The following CRMP1 variants were observed in gnomAD, a reference collection of about 807,000 sequenced individuals.
CRMP1 encodes the protein collapsin response mediator protein 1, also known as dihydropyrimidinase-related protein 1.
CRMP1 carries 19 observed loss-of-function variants against 68.3 expected under a neutral mutation model. The observed-to-expected ratio is 0.28, with a 90% CI of 0.19 to 0.41. CRMP1 has a LOEUF of 0.41. CRMP1 is among the 10% of genes least tolerant of loss of function. The pLI is 1.00. For missense variants in CRMP1, 791 were observed against 967.4 expected, an observed-to-expected ratio of 0.82 and a Z score of 2.42; for synonymous variants, 439 against 399.6, an observed-to-expected ratio of 1.10 and a Z score of -1.18.
rs568671078 is a variant in CRMP1, at chr4:5,877,743, C to G, written c.382-10987G>C. 6.6e-6 allele frequency among the ~76,000 whole-genome samples: 1 copy of G among 152,036 alleles called. No homozygotes were observed. Among genetic ancestry groups the G allele is most frequent in the Admixed American group, 6.5e-5 (1 of 15,284 alleles). ...TGGACTGCAGGACTTTTTTTCCCCC[C>G]GATATTATGCCTGTTTCCATGACAA... is the stretch of plus-strand genomic sequence containing the variant. On this transcript the variant is annotated intron_variant, in intron 1 of 13. Coordinates refer to ENST00000324989, the MANE Select transcript of CRMP1 (RefSeq NM_001014809.3). The surrounding 1 kb of genome is among the most constrained non-coding windows in gnomAD (Gnocchi z 4.3).
chr4:5,829,336 C>T (rs1720174043), intron 11 of CRMP1, among the ~76,000 whole-genome samples: 1 of 152,152 alleles, frequency 6.6e-6, no homozygotes, highest in South Asian at 2.1e-4. Flanking sequence ...TTGCAGTGAG[C>T]CGAGATCGTG....
At chr4:5,871,194 C>T (rs971675514) in intron 1 of CRMP1, among the ~76,000 whole-genome samples, 2 of 152,176 alleles carry the variant, frequency 1.3e-5, no homozygotes, top group East Asian at 3.9e-4. Context: ...AAAAAATAAG[C>T]CCACAGGAAG....
Position 5,856,119 on chromosome 4 carries a change from C to T in CRMP1, c.820+24G>A, listed in dbSNP as rs1393842053. 1.9e-6 allele frequency: 3 copies of T among 1,611,912 alleles called. No homozygotes were observed. In the Admixed American group the frequency reaches 5.0e-5, roughly 27 times the overall value. On this transcript the variant is annotated intron_variant, in intron 4 of 13. Coordinates refer to ENST00000324989, the MANE Select transcript of CRMP1 (RefSeq NM_001014809.3). ...CCAAAGAACAAGGGATTCCCCAAAA[C>T]CCCGTTCCGAGGCTTTAACTGACCT...
In CRMP1 at chr4:5,889,917, T is replaced by G; in HGVS notation, c.381+2672A>C. On this transcript the variant is annotated intron_variant, in intron 1 of 13. Transcript: ENST00000324989. The surrounding 1 kb of genome is among the most constrained non-coding windows in gnomAD (Gnocchi z 4.5). ...TATCCCAGGAACACTAGGCATAATT[T>G]TCCCATTTTACAGACAGGAAATTGA... 7.2e-7 allele frequency: 1 copy of G among 1,385,778 alleles called. No homozygotes were observed. Among genetic ancestry groups the G allele is most frequent in the Non-Finnish European group, 9.4e-7 (1 of 1,068,942 alleles). 85.8% of individuals were successfully genotyped at this position (1,385,778 alleles called of 1,614,324 possible).
At position 5,825,932 on chromosome 4, in the gene CRMP1, A is replaced by T. The variant is rs1039621694; in HGVS notation, c.1804-273T>A. On this transcript the variant is annotated intron_variant, in intron 12 of 13. Coordinates refer to ENST00000324989, the MANE Select transcript of CRMP1 (RefSeq NM_001014809.3). The surrounding 1 kb of genome is among the most constrained non-coding windows in gnomAD (Gnocchi z 4.4). ...ACACCACGCACACGCACTCACATAC[A>T]TGCAGTCATGCACACATATATGCAT... The T allele has an allele frequency of 2.1e-6, 1 of 484,826 alleles. No individual in the cohort carries two copies. Among genetic ancestry groups the T allele is most frequent in the Non-Finnish European group, 3.6e-6 (1 of 275,556 alleles). The allele number at this position is 484,826 out of a possible 1,614,324, so 30.0% of individuals were successfully genotyped here. A position where few individuals can be genotyped will look rare whatever the true frequency, so the allele number is the denominator to read the frequency against.
Position 5,892,485 on chromosome 4 carries a change from G to T in CRMP1, c.381+104C>A, listed in dbSNP as rs1715996812. ...CGTGGCTCTCCCCAGCCTGGCGGCC[G>T]CTGCCCCAACACCGGGGCCCGGGCA... On this transcript the variant is annotated intron_variant, in intron 1 of 13. Transcript: ENST00000324989. This position sits in a 1 kb window ranked among gnomAD's most constrained non-coding sequence, Gnocchi z 8.6. 7.4e-6 allele frequency: 8 copies of T among 1,083,116 alleles called. No homozygotes were observed. The South Asian group carries it at 2.8e-4, about 37-fold the overall frequency. The allele number at this position is 1,083,116 out of a possible 1,614,324, so 67.1% of individuals were successfully genotyped here. A position where few individuals can be genotyped will look rare whatever the true frequency, so the allele number is the denominator to read the frequency against.
Position 5,853,536 on chromosome 4 carries a change from C to A in CRMP1, c.821-2067G>T, listed in dbSNP as rs2152464353. ...ACCTCTATGGGGAACAGTACGGAGG[C>A]TCCTCACAAAACTAAGAACTGAATT... On this transcript the variant is annotated intron_variant, in intron 4 of 13. Transcript: ENST00000324989. This position sits in a 1 kb window ranked among gnomAD's most constrained non-coding sequence, Gnocchi z 4.7. Among the ~76,000 whole-genome samples the A allele has an allele frequency of 6.6e-6, 1 of 152,286 alleles. No homozygotes were observed. The highest frequency in any genetic ancestry group is 1.5e-5 in the Non-Finnish European group (1 of 68,024).
chr4:5,888,589 G>T lies in CRMP1; in HGVS notation c.381+4000C>A. The T allele has an allele frequency of 9.3e-7, 1 of 1,069,962 alleles. No homozygotes were observed. Among genetic ancestry groups the T allele is most frequent in the Non-Finnish European group, 1.1e-6 (1 of 885,162 alleles). 66.3% of individuals were successfully genotyped at this position (1,069,962 alleles called of 1,614,324 possible). ...AAGCCGGATTCGCCCCTCTCGGCTC[G>T]AACCAGGAAGCGCTTCCCTTCCGAT... is the stretch of plus-strand genomic sequence containing the variant. On this transcript the variant is annotated intron_variant, in intron 1 of 13. Coordinates refer to ENST00000324989, the MANE Select transcript of CRMP1 (RefSeq NM_001014809.3). The surrounding 1 kb of genome is among the most constrained non-coding windows in gnomAD (Gnocchi z 6.4).
In CRMP1 at chr4:5,863,766, G is replaced by A. The variant is rs1331917451; in HGVS notation, c.471-2556C>T. ...CGGCTCTTAAGAAAACTTGGCAAAT[G>A]GCCACAGAATTAAAGGATTCTTGGG... On this transcript the variant is annotated intron_variant, in intron 2 of 13. Coordinates refer to ENST00000324989, the MANE Select transcript of CRMP1 (RefSeq NM_001014809.3). 2.6e-5 allele frequency among the ~76,000 whole-genome samples: 4 copies of A among 152,276 alleles called. No homozygotes were observed. The South Asian group carries it at 6.2e-4, about 24-fold the overall frequency.
intron 10 of CRMP1, 146 bp downstream of exon 10, chr4:5,836,619 C>T (rs1375413155): frequency 8.2e-6 from 9 of 1,092,994 alleles, no homozygotes; most frequent in African/African-American, 3.1e-5. Context: ...TCAAGTTATG[C>T]GTTCCCTCCT....
In CRMP1 at chr4:5,861,066, T is replaced by G. The variant is rs748376145; in HGVS notation, c.615A>C (p.Gln205His). The G allele has an allele frequency of 6.2e-7, 1 of 1,614,190 alleles. No individual in the cohort carries two copies. The highest frequency in any genetic ancestry group is 1.1e-5 in the South Asian group (1 of 91,078). The stretch of plus-strand genomic sequence containing the variant: ...CGCCCACCAGTGCCGCCCTGGTCCC[T>G]TGGAAGAAGTCATCAGCCGCAGTCA... ...QGMTAADDFF[Q>H]GTRAALVGGT... The change falls in exon 3 of 14, where the codon CAA becomes CAC. Residue 205 changes from glutamine (Q) to histidine (H), a missense_variant. Physicochemically the swap from Gln to His is conservative, Grantham distance 24. Coordinates refer to ENST00000324989, the MANE Select transcript of CRMP1 (RefSeq NM_001014809.3). The surrounding 1 kb of genome is among the most constrained non-coding windows in gnomAD (Gnocchi z 6.0).
At chr4:5,829,118 C>T (rs919588154) in intron 11 of CRMP1, among the ~76,000 whole-genome samples, 5 of 152,166 alleles carry the variant, frequency 3.3e-5, no homozygotes, top group African/African-American at 1.2e-4. Flanking sequence ...AAATTATTTT[C>T]CCAAGGGTTC....
Position 5,850,120 on chromosome 4 carries a change from C to G in CRMP1, c.883-648G>C, listed in dbSNP as rs1238778063. On this transcript the variant is annotated intron_variant, in intron 5 of 13. Transcript: ENST00000324989. This position sits in a 1 kb window ranked among gnomAD's most constrained non-coding sequence, Gnocchi z 4.4. ...TTTGGGCATTGCCCCTGGTAAGGGC[C>G]AAAGCCACGAAGCTCCCTCTCCAGG... Among the ~76,000 whole-genome samples the G allele has an allele frequency of 6.6e-6, 1 of 152,184 alleles. No individual in the cohort carries two copies. Among genetic ancestry groups the G allele is most frequent in the East Asian group, 1.9e-4 (1 of 5,184 alleles).
At chr4:5,828,736 G>T in intron 11 of CRMP1, 68 bp from the exon 12 acceptor site, 1 of 1,538,554 alleles carries the variant, frequency 6.5e-7, no homozygotes, top group East Asian at 2.3e-5. Context: ...TCATAACAGC[G>T]ATTTTGCCTA....
At chr4:5,868,246 T>C (rs1297723316) in intron 1 of CRMP1, among the ~76,000 whole-genome samples, 2 of 141,842 alleles carry the variant, frequency 1.4e-5, no homozygotes, top group Non-Finnish European at 3.0e-5. Context: ...CCGCACATTC[T>C]TCATGACTAT....
chr4:5,826,137 C>G (rs1357390232), intron 12 of CRMP1: 1 of 165,728 alleles, frequency 6.0e-6, no homozygotes, highest in Non-Finnish European at 1.3e-5. Context: ...CACACGCATA[C>G]TCATACACAC....
Position 5,843,653 on chromosome 4 carries a change from C to T in CRMP1, c.964-492G>A, listed in dbSNP as rs888413928. 4.6e-5 allele frequency among the ~76,000 whole-genome samples: 7 copies of T among 152,206 alleles called. No homozygotes were observed. The highest frequency in any genetic ancestry group is 7.3e-5 in the Non-Finnish European group (5 of 68,036). On this transcript the variant is annotated intron_variant, in intron 6 of 13. Transcript: ENST00000324989. The surrounding 1 kb of genome is among the most constrained non-coding windows in gnomAD (Gnocchi z 4.1). ...GGGCAGGTTGGTCAAGCTCTCTTGACCTCAGTCTCCTCTTCTGTACACTGG... is the reference window on the plus strand; with the variant it reads ...GGGCAGGTTGGTCAAGCTCTCTTGATCTCAGTCTCCTCTTCTGTACACTGG...
Position 5,891,683 on chromosome 4 carries a change from T to C in CRMP1, c.381+906A>G, listed in dbSNP as rs1715956280. ...ATTCGAAAGCTCCCCAGCCCTCGGA[T>C]GCTCCAACTTCCGTTTTTCTGGCAC... On this transcript the variant is annotated intron_variant, in intron 1 of 13. Coordinates refer to ENST00000324989, the MANE Select transcript of CRMP1 (RefSeq NM_001014809.3). This position sits in a 1 kb window ranked among gnomAD's most constrained non-coding sequence, Gnocchi z 5.2. Among the ~76,000 whole-genome samples the C allele has an allele frequency of 6.6e-6, 1 of 152,200 alleles. No homozygotes were observed. Among genetic ancestry groups the C allele is most frequent in the African/African-American group, 2.4e-5 (1 of 41,452 alleles).
rs1577723460 is a variant in CRMP1 at position 5,825,363 on chromosome 4, T to G, written c.1969+131A>C. ...CCCCACCAGTGAGAGCAGGCTCGGG[T>G]GGGGCACACTCCCTTCCCTGCTTCT... On this transcript the variant is annotated intron_variant, in intron 13 of 13. Transcript: ENST00000324989. This position sits in a 1 kb window ranked among gnomAD's most constrained non-coding sequence, Gnocchi z 4.4. The G allele has an allele frequency of 1.4e-5, 20 of 1,433,324 alleles. No homozygotes were observed. Among genetic ancestry groups the G allele is most frequent in the East Asian group, 8.2e-5 (3 of 36,730 alleles). The allele number at this position is 1,433,324 out of a possible 1,614,324, so 88.8% of individuals were successfully genotyped here.
Sources: allele counts gnomAD v4.1 joint callset (sites outside exome capture counted in the v4.1 genomes callset), GRCh38; gene constraint gnomAD v4.1.1; non-coding constraint Gnocchi (gnomAD v3.1); transcripts MANE v1.5; gene names NCBI Gene and HGNC (gene_info 2026-07-23, HGNC 2026-07-21).